The following PDLIM5 variants were observed in gnomAD, a reference collection of about 807,000 sequenced individuals.
PDLIM5 encodes the protein PDZ and LIM domain protein 5.
A neutral mutation model predicts 64.2 loss-of-function variants in PDLIM5; 34 were observed. The ratio of observed to expected loss-of-function variants is 0.53; its 90% CI spans 0.40 to 0.71. The LOEUF is 0.71. PDLIM5 is among the 30% of genes least tolerant of loss of function. The probability of loss-of-function intolerance (pLI) is 0.00; values close to 1 mark genes in which losing one functional copy is unlikely to be tolerated. For missense variants in PDLIM5, 683 were observed against 733.6 expected, an observed-to-expected ratio of 0.93 and a Z score of 0.80; for synonymous variants, 253 against 269.1, an observed-to-expected ratio of 0.94 and a Z score of 0.59.
At chr4:94,484,921 T>TG (rs1726177523) in intron 2 of PDLIM5, among the ~76,000 whole-genome samples, 1 of 152,174 alleles carries the variant, frequency 6.6e-6, no homozygotes, top group Non-Finnish European at 1.5e-5. Flanking sequence ...TATCTTGACA[T>TG]GGGGAGCGTC....
chr4:94,511,596 C>G (rs1045966788), intron 2 of PDLIM5, among the ~76,000 whole-genome samples: 1 of 64,646 alleles, frequency 1.5e-5, no homozygotes, highest in Non-Finnish European at 3.3e-5. Context: ...GACATCCCCC[C>G]CAACACACAC....
chr4:94,458,634 C>T (rs997079380), intron 2 of PDLIM5, among the ~76,000 whole-genome samples: 3 of 152,114 alleles, frequency 2.0e-5, no homozygotes, highest in Non-Finnish European at 4.4e-5. Context: ...TCCAAAGGGT[C>T]ATTTACATTC....
At chr4:94,603,795 T>C (rs1281424247) in intron 7 of PDLIM5, among the ~76,000 whole-genome samples, 2 of 152,204 alleles carry the variant, frequency 1.3e-5, no homozygotes, top group Non-Finnish European at 2.9e-5. Context: ...CTAGGCACCA[T>C]GGCCTTAGCT....
rs1743162377 is a variant in PDLIM5 at position 94,668,048 on chromosome 4, A to G, written c.*3981A>G. 6.6e-6 allele frequency: 1 copy of G among 152,162 alleles called. No individual in the cohort carries two copies. Among genetic ancestry groups the G allele is most frequent in the Non-Finnish European group, 1.5e-5 (1 of 68,010 alleles). The allele number at this position is 152,162 out of a possible 1,614,324, so 9.4% of individuals were successfully genotyped here. ...TAAATGTATTGGATTTGGATTCTCA[A>G]TGTATAAGTTGCCTTATCTGTTAAT... On this transcript the variant is annotated 3_prime_UTR_variant, in exon 13 of 13. Transcript: ENST00000317968.
Position 94,473,197 on chromosome 4 carries a change from C to T in PDLIM5, c.96+17813C>T, listed in dbSNP as rs564763761. Among the ~76,000 whole-genome samples the T allele has an allele frequency of 3.9e-5, 6 of 152,306 alleles. No individual in the cohort carries two copies. The South Asian group carries it at 1.2e-3, about 32-fold the overall frequency. On this transcript the variant is annotated intron_variant, in intron 2 of 12. Transcript: ENST00000317968. The stretch of plus-strand genomic sequence containing the variant: ...GCATTTGCTTGGCATGTTCAAGGAA[C>T]AGCAAGGCTCCGATGGCTGGAGTAG...
In PDLIM5 at chr4:94,618,032, G is replaced by T; in HGVS notation, c.949G>T (p.Ala317Ser). 1 of 1,581,704 alleles carries T rather than the reference G, an allele frequency of 6.3e-7. No individual in the cohort carries two copies. The highest frequency in any genetic ancestry group is 8.6e-7 in the Non-Finnish European group (1 of 1,163,994). Residue 317 changes from alanine to serine, a missense_variant, in exon 8 of 13, where the codon GCT becomes TCT. Ala to Ser is a moderately conservative substitution (Grantham distance 99). Transcript: ENST00000317968. ...NNSQEPSPQL[A>S]SSVASTRSMP... The stretch of plus-strand genomic sequence containing the variant: ...CTCTCAGGAGCCTTCTCCGCAGTTG[G>T]CTTCCTCGGTAGCTTCCACACGGAG...
At chr4:94,593,958 C>T (rs957754113) in intron 7 of PDLIM5, among the ~76,000 whole-genome samples, 2 of 152,076 alleles carry the variant, frequency 1.3e-5, no homozygotes, top group Non-Finnish European at 2.9e-5. Context: ...TAGTATGCCC[C>T]ACCATGTTTG....
chr4:94,625,504 G>C (rs1019431095), intron 8 of PDLIM5, among the ~76,000 whole-genome samples: 4 of 150,762 alleles, frequency 2.7e-5, no homozygotes, highest in Non-Finnish European at 5.9e-5. Context: ...CCAGGCTGGA[G>C]TGCAGTGGCG....
At chr4:94,482,222 T>G (rs1725931935) in intron 2 of PDLIM5, among the ~76,000 whole-genome samples, 1 of 151,840 alleles carries the variant, frequency 6.6e-6, no homozygotes, top group Non-Finnish European at 1.5e-5. Flanking sequence ...CAGGCTAGAG[T>G]GCAGTGGTGC....
At chr4:94,499,012 G>A (rs699861) in intron 2 of PDLIM5, among the ~76,000 whole-genome samples, 124,707 of 152,136 alleles carry the variant, frequency 0.82, 51,239 homozygotes, top group East Asian at 0.93. Flanking sequence ...TTTTATGGAA[G>A]TATTTAGGGT....
At chr4:94,575,057 G>T (rs1735137183) in intron 4 of PDLIM5, among the ~76,000 whole-genome samples, 1 of 150,554 alleles carries the variant, frequency 6.6e-6, no homozygotes, top group Non-Finnish European at 1.5e-5. Flanking sequence ...CCTGAGTTAG[G>T]TGAAAATTAT....
intron 2 of PDLIM5, among the ~76,000 whole-genome samples, chr4:94,523,225 A>T (rs1373600102): frequency 2.6e-5 from 4 of 152,120 alleles, no homozygotes; most frequent in Non-Finnish European, 5.9e-5. Flanking sequence ...CAATCCCCAA[A>T]CCCTGGATAT....
chr4:94,496,968 T>C (rs1004553545), intron 2 of PDLIM5, among the ~76,000 whole-genome samples: 8 of 152,196 alleles, frequency 5.3e-5, no homozygotes, highest in African/African-American at 1.9e-4. Flanking sequence ...CCCTGTAAAT[T>C]TTTATTGATG....
intron 2 of PDLIM5, chr4:94,457,097 A>G: frequency 1.2e-6 from 1 of 853,098 alleles, no homozygotes; most frequent in Non-Finnish European, 1.4e-6. Context: ...CATACTCTGC[A>G]TCTTGTATGT....
chr4:94,559,507 C>G (rs1733655969), intron 3 of PDLIM5, among the ~76,000 whole-genome samples: 1 of 152,168 alleles, frequency 6.6e-6, no homozygotes, highest in African/African-American at 2.4e-5. Flanking sequence ...TCAGCATATG[C>G]CAGTGTTTGC....
In PDLIM5 at chr4:94,665,969, T is replaced by C. The variant is rs1481442999; in HGVS notation, c.*1902T>C. The C allele has an allele frequency of 1.3e-6, 2 of 1,530,338 alleles. No individual in the cohort carries two copies. The highest frequency in any genetic ancestry group is 1.4e-5 in the African/African-American group (1 of 72,854). The allele number at this position is 1,530,338 out of a possible 1,614,324, so 94.8% of individuals were successfully genotyped here. A position where few individuals can be genotyped will look rare whatever the true frequency, so the allele number is the denominator to read the frequency against. On this transcript the variant is annotated 3_prime_UTR_variant, in exon 13 of 13. Coordinates refer to ENST00000317968, the MANE Select transcript of PDLIM5 (RefSeq NM_006457.5). ...TAAAACTGTGGATCCTGTTGCTATTTGCCCAGTGAGAAAACAGATTCTGGT... is the reference window on the plus strand; with the variant it reads ...TAAAACTGTGGATCCTGTTGCTATTCGCCCAGTGAGAAAACAGATTCTGGT...
intron 7 of PDLIM5, among the ~76,000 whole-genome samples, chr4:94,612,997 A>G (rs781535287): frequency 6.6e-6 from 1 of 151,668 alleles, no homozygotes; most frequent in Non-Finnish European, 1.5e-5. Context: ...ACTCTAAGTT[A>G]AAGAATTTTG....
At chr4:94,585,505 T>TTA in intron 5 of PDLIM5, 60 bp from the exon 6 acceptor site, 1 of 945,932 alleles carries the variant, frequency 1.1e-6, no homozygotes, top group Non-Finnish European at 1.5e-6. Flanking sequence ...TAGTAGAAGA[T>TTA]ATTTTATCCT....
chr4:94,490,518 C>T (rs939210070), intron 2 of PDLIM5, among the ~76,000 whole-genome samples: 1 of 151,974 alleles, frequency 6.6e-6, no homozygotes, highest in Non-Finnish European at 1.5e-5. Flanking sequence ...TTTGGTGACT[C>T]GAAGGACTTG....
Sources: allele counts gnomAD v4.1 joint callset (sites outside exome capture counted in the v4.1 genomes callset), GRCh38; gene constraint gnomAD v4.1.1; transcripts MANE v1.5; gene names NCBI Gene and HGNC (gene_info 2026-07-23, HGNC 2026-07-21).